Variants in ARHGAP24 observed in about 807,000 individuals in gnomAD.
ARHGAP24 encodes the protein Rho GTPase activating protein 24.
In ARHGAP24, 50 loss-of-function variants were observed where a neutral mutation model predicts 76.4. The ratio of observed to expected loss-of-function variants is 0.65; its 90% CI spans 0.52 to 0.83. The LOEUF (loss-of-function observed/expected upper bound fraction) is 0.83. Ranked by LOEUF, ARHGAP24 falls within the 40% of genes least tolerant of loss-of-function variation. The pLI is 0.00. For missense variants in ARHGAP24, 930 were observed against 914.2 expected (o/e 1.02, Z -0.22); for synonymous variants, 345 against 323.3 (o/e 1.07, Z -0.72).
chr4:85,492,630 A>T lies in ARHGAP24; in HGVS notation c.-21+17071A>T, dbSNP rs565783915. 1.1e-4 allele frequency among the ~76,000 whole-genome samples: 16 copies of T among 152,324 alleles called. No homozygotes were observed. In the South Asian group the frequency reaches 3.3e-3, roughly 32 times the overall value. On this transcript the variant is annotated intron_variant, in intron 1 of 9. Transcript: ENST00000395184. ...ACATTTCATGTTACAAATGATACTT[A>T]TTGCTACTGAGATTTACTATCAAAG... is the stretch of plus-strand genomic sequence containing the variant.
intron 8 of ARHGAP24, chr4:85,990,654 C>T (rs879792234): frequency 2.6e-5 from 4 of 151,720 alleles, no homozygotes; most frequent in South Asian, 4.1e-4. Flanking sequence ...CAATGTACCA[C>T]GGTATTTCAA....
intron 1 of ARHGAP24, among the ~76,000 whole-genome samples, chr4:85,543,227 T>C (rs1209369434): frequency 6.6e-6 from 1 of 152,194 alleles, no homozygotes; most frequent in Non-Finnish European, 1.5e-5. Flanking sequence ...GAACATGGCA[T>C]GCTCTGCATT....
chr4:85,485,519 G>A (rs2110089793), intron 1 of ARHGAP24, among the ~76,000 whole-genome samples: 1 of 150,064 alleles, frequency 6.7e-6, no homozygotes, highest in South Asian at 2.1e-4. Flanking sequence ...TATGGTTGGA[G>A]AAAAGTGAAA....
At chr4:85,757,118 C>A (rs1452922711) in intron 3 of ARHGAP24, among the ~76,000 whole-genome samples, 1 of 152,016 alleles carries the variant, frequency 6.6e-6, no homozygotes, top group Non-Finnish European at 1.5e-5. Flanking sequence ...CAGGCCATCT[C>A]CGTCTTTACC....
chr4:85,794,680 G>A (rs1265150575), intron 3 of ARHGAP24, among the ~76,000 whole-genome samples: 4 of 152,046 alleles, frequency 2.6e-5, no homozygotes, highest in African/African-American at 4.8e-5. Flanking sequence ...ACAGGGTTTC[G>A]CCATGTTGGC....
chr4:85,768,130 A>G (rs1259867058), intron 3 of ARHGAP24, among the ~76,000 whole-genome samples: 4 of 152,234 alleles, frequency 2.6e-5, no homozygotes, highest in African/African-American at 9.6e-5. Context: ...ACTTGCAAAC[A>G]TGTTATAGCA....
intron 2 of ARHGAP24, among the ~76,000 whole-genome samples, chr4:85,591,014 C>A (rs1416799992): frequency 4.1e-5 from 6 of 144,622 alleles, no homozygotes; most frequent in Non-Finnish European, 9.0e-5. Context: ...GCAGCACTAA[C>A]CTGTAAAATC....
chr4:85,564,506 T>C (rs567014170), intron 1 of ARHGAP24, among the ~76,000 whole-genome samples: 279 of 151,306 alleles, frequency 1.8e-3, no homozygotes, highest in South Asian at 0.014. Flanking sequence ...CAAACCTGCA[T>C]GTTGTGCACA....
intron 1 of ARHGAP24, among the ~76,000 whole-genome samples, chr4:85,497,434 A>G (rs1004381682): frequency 3.3e-5 from 5 of 152,342 alleles, no homozygotes; most frequent in African/African-American, 9.6e-5. Context: ...ATAATTATAT[A>G]AATGCAAAAT....
intron 1 of ARHGAP24, among the ~76,000 whole-genome samples, chr4:85,505,767 G>T (rs182067720): frequency 1.3e-5 from 2 of 152,178 alleles, no homozygotes; most frequent in African/African-American, 4.8e-5. Context: ...TTGTTCCATT[G>T]CAGGTGAGGA....
intron 2 of ARHGAP24, among the ~76,000 whole-genome samples, chr4:85,623,493 G>A (rs1284372747): frequency 6.6e-6 from 1 of 152,134 alleles, no homozygotes; most frequent in African/African-American, 2.4e-5. Context: ...GGTTACTATA[G>A]CCTTGTAGTA....
At chr4:85,968,891 A>G (rs1042162967) in intron 5 of ARHGAP24, among the ~76,000 whole-genome samples, 1 of 152,138 alleles carries the variant, frequency 6.6e-6, no homozygotes, top group Non-Finnish European at 1.5e-5. Flanking sequence ...ATCAAAAAAT[A>G]TATATATAAT....
At chr4:85,697,198 G>T (rs1218925143) in intron 2 of ARHGAP24, among the ~76,000 whole-genome samples, 1 of 152,044 alleles carries the variant, frequency 6.6e-6, no homozygotes, top group African/African-American at 2.4e-5. Flanking sequence ...GAATTACTTT[G>T]TCCTTAGCAC....
intron 3 of ARHGAP24, among the ~76,000 whole-genome samples, chr4:85,731,173 A>G (rs1274720720): frequency 6.1e-5 from 2 of 32,728 alleles, no homozygotes; most frequent in African/African-American, 8.2e-5. Context: ...CCACCTTCTT[A>G]TACCAATAAG....
chr4:85,622,029 G>T (rs990026803), intron 2 of ARHGAP24, among the ~76,000 whole-genome samples: 8 of 151,480 alleles, frequency 5.3e-5, no homozygotes, highest in South Asian at 4.2e-4. Context: ...ATAAATTTTG[G>T]TTTCTTGTTT....
At chr4:85,645,673 A>C (rs1721694405) in intron 2 of ARHGAP24, among the ~76,000 whole-genome samples, 1 of 152,102 alleles carries the variant, frequency 6.6e-6, no homozygotes, top group South Asian at 2.1e-4. Flanking sequence ...TTTAACCGTA[A>C]AAAGAAGCAC....
chr4:85,956,136 GA>G (rs571668828), intron 5 of ARHGAP24, among the ~76,000 whole-genome samples: 26 of 152,294 alleles, frequency 1.7e-4, no homozygotes, highest in African/African-American at 6.0e-4. Flanking sequence ...TAAAGAGTTG[GA>G]AAAGCAAAGA....
At chr4:85,767,365 G>A (rs1044009157) in intron 3 of ARHGAP24, among the ~76,000 whole-genome samples, 4 of 152,108 alleles carry the variant, frequency 2.6e-5, no homozygotes, top group African/African-American at 9.7e-5. Context: ...GGTTATGTAT[G>A]TATTATGTCA....
intron 3 of ARHGAP24, among the ~76,000 whole-genome samples, chr4:85,863,884 C>T (rs990420165): frequency 1.3e-5 from 2 of 151,994 alleles, no homozygotes; most frequent in African/African-American, 4.8e-5. Flanking sequence ...AAGGTGTCTC[C>T]AAGCGGAAAA....
Sources: allele counts gnomAD v4.1 joint callset (sites outside exome capture counted in the v4.1 genomes callset), GRCh38; gene constraint gnomAD v4.1.1; transcripts MANE v1.5; gene names NCBI Gene and HGNC (gene_info 2026-07-23, HGNC 2026-07-21).